Variants in HP1BP3 observed in about 807,000 individuals in gnomAD.
HP1BP3 encodes the protein heterochromatin protein 1 binding protein 3.
In HP1BP3, 12 loss-of-function variants were observed where a neutral mutation model predicts 62.5. That is an observed-to-expected ratio of 0.19 (90% CI 0.12 to 0.31). The LOEUF (loss-of-function observed/expected upper bound fraction) is 0.31. Among genes scored for constraint, HP1BP3 ranks in the 10% least tolerant of loss-of-function variants. The pLI is 1.00. For missense variants in HP1BP3, 502 were observed against 651.8 expected, an observed-to-expected ratio of 0.77 and a Z score of 2.50; for synonymous variants, 260 against 237.8, an observed-to-expected ratio of 1.09 and a Z score of -0.86.
chr1:20,779,971 T>G, intron 2 of HP1BP3, 60 bp from the exon 3 acceptor site: 1 of 1,309,264 alleles, frequency 7.6e-7, no homozygotes, highest in Admixed American at 2.0e-5. Flanking sequence ...TCTCTCTTTC[T>G]CAAAGGGCCT....
rs1029524135 is a variant in HP1BP3 at position 20,784,336 on chromosome 1, C to T, written c.-101+2859G>A. Among the ~76,000 whole-genome samples the T allele has an allele frequency of 2.6e-5, 4 of 152,176 alleles. No homozygotes were observed. In the East Asian group the frequency reaches 7.7e-4, roughly 29 times the overall value. Reference sequence around the variant, plus strand: ...ATGATCAAATTTTGAGGCTGCCACACTTGTTCCTGGCAGGGATCTTATCTA... The same window carrying T: ...ATGATCAAATTTTGAGGCTGCCACATTTGTTCCTGGCAGGGATCTTATCTA... On this transcript the variant is annotated intron_variant, in intron 1 of 12. Coordinates refer to ENST00000438032, the MANE Select transcript of HP1BP3 (RefSeq NM_001372052.1).
In HP1BP3 at chr1:20,745,612, T is replaced by C. The variant is rs765654766; in HGVS notation, c.1298A>G (p.Asp433Gly). 1.9e-6 allele frequency: 3 copies of C among 1,613,964 alleles called. No homozygotes were observed. The highest frequency in any genetic ancestry group is 2.5e-6 in the Non-Finnish European group (3 of 1,179,878). The change falls in exon 12 of 13, where the codon GAT becomes GGT. Residue 433 changes from aspartate (D) to glycine (G), a missense_variant. Coordinates refer to ENST00000438032, the MANE Select transcript of HP1BP3 (RefSeq NM_001372052.1). ...TGACTCATCTTCATCTTCATCCTCA[T>C]CTCTAGAATCATCTGGCTCTTTCTT... ...FPKKEPDDSR[D>G]EDEDEDESSE...
rs2055218217 is a variant in HP1BP3 at position 20,744,993 on chromosome 1, C to A, written c.1466G>T (p.Gly489Val). 1 of 1,614,178 alleles carries A rather than the reference C, an allele frequency of 6.2e-7. No individual in the cohort carries two copies. The highest frequency in any genetic ancestry group is 8.5e-7 in the Non-Finnish European group (1 of 1,180,040). The change falls in exon 13 of 13, where the codon GGG becomes GTG. Residue 489 changes from glycine to valine, a missense_variant. Gly to Val is a moderately radical substitution (Grantham distance 109). Transcript: ENST00000438032. ...PAPKVSAAQR[G>V]KARPLPKKAP... The stretch of plus-strand genomic sequence containing the variant: ...TTTCTTAGGCAAGGGCCTAGCTTTC[C>A]CCCGCTGGGCAGCTGAGACTTTAGG...
chr1:20,750,505 C>T (rs979636790), intron 9 of HP1BP3, among the ~76,000 whole-genome samples: 3 of 149,916 alleles, frequency 2.0e-5, no homozygotes, highest in Non-Finnish European at 4.4e-5. Flanking sequence ...CCAGCCTCGG[C>T]GACAGAGTAA....
At chr1:20,750,427 C>T (rs2055659830) in intron 9 of HP1BP3, among the ~76,000 whole-genome samples, 1 of 139,150 alleles carries the variant, frequency 7.2e-6, no homozygotes, top group Non-Finnish European at 1.6e-5. Flanking sequence ...ACTTGGGAGG[C>T]TGAGGCAGGA....
At chr1:20,749,903 G>C in intron 9 of HP1BP3, 21 bp from the exon 10 acceptor site, 1 of 1,605,936 alleles carries the variant, frequency 6.2e-7, no homozygotes. Context: ...AGGAGGAAGA[G>C]AAAAGCATCA....
At chr1:20,745,211 G>T in intron 12 of HP1BP3, 120 bp from the exon 13 acceptor site, 1 of 1,145,862 alleles carries the variant, frequency 8.7e-7, no homozygotes, top group Non-Finnish European at 1.2e-6. Flanking sequence ...TTAAGAATAG[G>T]AATGTGACAA....
chr1:20,782,599 A>C (rs2057609815), intron 1 of HP1BP3, among the ~76,000 whole-genome samples: 1 of 150,746 alleles, frequency 6.6e-6, no homozygotes, highest in South Asian at 2.1e-4. Context: ...AAAAAATAAT[A>C]ATTTAAAAAA....
chr1:20,771,127 T>C (rs2057039119), intron 5 of HP1BP3, 54 bp from the exon 6 acceptor site: 1 of 1,307,118 alleles, frequency 7.7e-7, no homozygotes, highest in Non-Finnish European at 1.1e-6. Context: ...GAGCCTGACA[T>C]ATATTTTCAA....
chr1:20,760,272 C>T (rs2056389895), intron 8 of HP1BP3, among the ~76,000 whole-genome samples: 2 of 152,140 alleles, frequency 1.3e-5, no homozygotes, highest in Admixed American at 6.6e-5. Flanking sequence ...GACACAGTGG[C>T]TCACACCTGT....
intron 4 of HP1BP3, chr1:20,776,306 A>G (rs2274120): frequency 0.097 from 41,374 of 425,942 alleles, 3,142 homozygotes; most frequent in East Asian, 0.3. Flanking sequence ...AGTCTTGCCA[A>G]TGCTTAAAAT....
rs2055077546 is a variant in HP1BP3, at chr1:20,741,325, A to G, written c.*3472T>C. ...AGAGGGTCACAGCCTGAGAGAGAAT[A>G]ATTTCACAGGCTCTTTAAAGTAAGT... On this transcript the variant is annotated 3_prime_UTR_variant, in exon 13 of 13. Coordinates refer to ENST00000438032, the MANE Select transcript of HP1BP3 (RefSeq NM_001372052.1). Among the ~76,000 whole-genome samples, 1 of 152,224 alleles carries G rather than the reference A, an allele frequency of 6.6e-6. No homozygotes were observed. The highest frequency in any genetic ancestry group is 1.5e-5 in the Non-Finnish European group (1 of 68,042).
chr1:20,761,126 A>G (rs2056444418), intron 8 of HP1BP3, among the ~76,000 whole-genome samples: 1 of 151,978 alleles, frequency 6.6e-6, no homozygotes, highest in Non-Finnish European at 1.5e-5. Flanking sequence ...CTCACTGCAG[A>G]CTATGCCTCC....
At chr1:20,751,013 C>T (rs2055711677) in intron 9 of HP1BP3, among the ~76,000 whole-genome samples, 2 of 151,786 alleles carry the variant, frequency 1.3e-5, no homozygotes, top group African/African-American at 4.8e-5. Context: ...GACACGGTTT[C>T]ACCATGTTGG....
chr1:20,771,094 T>C, intron 5 of HP1BP3, 21 bp from the exon 6 acceptor site: 1 of 1,576,072 alleles, frequency 6.3e-7, no homozygotes, highest in African/African-American at 1.4e-5. Flanking sequence ...TTTATTAAAC[T>C]AGTTGTTTTT....
chr1:20,776,976 A>G (rs914813892), intron 3 of HP1BP3, among the ~76,000 whole-genome samples: 2 of 152,180 alleles, frequency 1.3e-5, no homozygotes, highest in African/African-American at 4.8e-5. Flanking sequence ...TAGACCAGGA[A>G]ATTACATAGA....
chr1:20,758,568 G>C (rs1467235162), intron 8 of HP1BP3, among the ~76,000 whole-genome samples: 1 of 151,666 alleles, frequency 6.6e-6, no homozygotes, highest in Non-Finnish European at 1.5e-5. Context: ...GGATGGTCTT[G>C]ATCTTCCGAC....
intron 1 of HP1BP3, among the ~76,000 whole-genome samples, chr1:20,783,140 G>A (rs2057650953): frequency 6.6e-6 from 1 of 151,758 alleles, no homozygotes; most frequent in South Asian, 2.1e-4. Flanking sequence ...AATAAAAGTT[G>A]AATGAACAAA....
chr1:20,746,492 A>C (rs1481792617), intron 11 of HP1BP3, among the ~76,000 whole-genome samples: 2 of 152,226 alleles, frequency 1.3e-5, no homozygotes, highest in East Asian at 3.8e-4. Flanking sequence ...AAAGTTACAC[A>C]ATAGTCTTGC....
Sources: allele counts gnomAD v4.1 joint callset (sites outside exome capture counted in the v4.1 genomes callset), GRCh38; gene constraint gnomAD v4.1.1; transcripts MANE v1.5; gene names NCBI Gene and HGNC (gene_info 2026-07-23, HGNC 2026-07-21).